Variants in VAV2 observed in about 807,000 individuals in gnomAD.
The protein encoded by VAV2 is vav guanine nucleotide exchange factor 2, also known as guanine nucleotide exchange factor VAV2.
Under a neutral mutation model 132.5 loss-of-function variants are expected in VAV2, and 67 were observed. That is an observed-to-expected ratio of 0.51 (90% CI 0.42 to 0.62). The LOEUF (loss-of-function observed/expected upper bound fraction) is 0.62, where lower values mean the gene tolerates loss of function less well. Ranked by LOEUF, VAV2 falls within the 20% of genes least tolerant of loss-of-function variation. The pLI, the probability that VAV2 is intolerant of heterozygous loss-of-function variation, is 0.00. For missense variants in VAV2, 938 were observed against 1,153.6 expected, an observed-to-expected ratio of 0.81 and a Z score of 2.71; for synonymous variants, 492 against 443.5, an observed-to-expected ratio of 1.11 and a Z score of -1.37.
chr9:133,977,104 GC>G (rs1251142464), intron 1 of VAV2, among the ~76,000 whole-genome samples: 2 of 152,182 alleles, frequency 1.3e-5, no homozygotes, highest in African/African-American at 4.8e-5. Flanking sequence ...GCCACGCCCA[GC>G]CGCCCTGCCC....
chr9:133,938,595 C>T (rs890930206), intron 2 of VAV2, among the ~76,000 whole-genome samples: 3 of 152,084 alleles, frequency 2.0e-5, no homozygotes, highest in South Asian at 2.1e-4. Flanking sequence ...CCCCTCTTTG[C>T]CCAATACCTT....
rs138146802 is a variant in VAV2, at chr9:133,874,059, C to T, written c.322-12627G>A. On this transcript the variant is annotated intron_variant, in intron 2 of 29. Transcript: ENST00000371850. ...TCTCCCCTTTCTGAGGAGGAGTCAC[C>T]GGGGCTGGGGCAGACAGCTGGTGCC... Among the ~76,000 whole-genome samples, 318 of 152,310 alleles carry T rather than the reference C, an allele frequency of 2.1e-3. 1 individual carries two copies. In the East Asian group the frequency reaches 0.025, roughly 12 times the overall value.
intron 2 of VAV2, among the ~76,000 whole-genome samples, chr9:133,906,108 G>C (rs1839642567): frequency 1.3e-5 from 2 of 152,306 alleles, no homozygotes; most frequent in Middle Eastern, 6.8e-3. Flanking sequence ...CAGACGGTAA[G>C]TCTGGAGGTA....
chr9:133,808,947 C>G, intron 7 of VAV2, 93 bp downstream of exon 7: 1 of 1,209,574 alleles, frequency 8.3e-7, no homozygotes, highest in Non-Finnish European at 1.2e-6. Context: ...GGCCCTATGG[C>G]CCTGCCTCCG....
rs1836370228 is a variant in VAV2 at position 133,834,179 on chromosome 9, G to A, written c.449+93C>T. ...CCAGGGCCAGCTCTGCCTGCACTGT[G>A]GCCGCCATGTTTCCTCCTGACTCCC... On this transcript the variant is annotated intron_variant, in intron 4 of 29. Transcript: ENST00000371850. The surrounding 1 kb of genome is among the most constrained non-coding windows in gnomAD (Gnocchi z 5.9). 7.0e-7 allele frequency: 1 copy of A among 1,424,002 alleles called. No individual in the cohort carries two copies. Among genetic ancestry groups the A allele is most frequent in the South Asian group, 1.3e-5 (1 of 76,876 alleles). The allele number at this position is 1,424,002 out of a possible 1,614,324, so 88.2% of individuals were successfully genotyped here.
At chr9:133,932,262 A>G (rs1346564714) in intron 2 of VAV2, among the ~76,000 whole-genome samples, 1 of 152,214 alleles carries the variant, frequency 6.6e-6, no homozygotes, top group Non-Finnish European at 1.5e-5. Flanking sequence ...GCACAGAGGA[A>G]AACAGGAAAG....
At chr9:133,917,755 A>C (rs1417560675) in intron 2 of VAV2, among the ~76,000 whole-genome samples, 1 of 152,190 alleles carries the variant, frequency 6.6e-6, no homozygotes, top group East Asian at 1.9e-4. Context: ...TCTGACACTG[A>C]CCTATGCTGG....
intron 4 of VAV2, among the ~76,000 whole-genome samples, chr9:133,815,658 T>C (rs1315653799): frequency 1.3e-5 from 2 of 152,246 alleles, no homozygotes; most frequent in Non-Finnish European, 2.9e-5. Flanking sequence ...TGCTGAGTAC[T>C]AATCCACGGC....
At chr9:133,903,163 G>T (rs114376193) in intron 2 of VAV2, among the ~76,000 whole-genome samples, 1 of 151,772 alleles carries the variant, frequency 6.6e-6, no homozygotes, top group East Asian at 1.9e-4. Flanking sequence ...AGAAGACGCC[G>T]TCTGCAAGCC....
At chr9:133,822,789 A>T (rs1835845687) in intron 4 of VAV2, among the ~76,000 whole-genome samples, 1 of 150,778 alleles carries the variant, frequency 6.6e-6, no homozygotes, top group African/African-American at 2.5e-5. Context: ...CCATCTAAAA[A>T]TATTCAGGAA....
Position 133,935,185 on chromosome 9 carries a change from G to A in VAV2, c.321+3918C>T, listed in dbSNP as rs192684477. On this transcript the variant is annotated intron_variant, in intron 2 of 29. Coordinates refer to ENST00000371850, the MANE Select transcript of VAV2 (RefSeq NM_001134398.2). The surrounding 1 kb of genome is among the most constrained non-coding windows in gnomAD (Gnocchi z 5.2). ...TCATGGTCTGAGGTTGCTGGAGGCC[G>A]CCGAGCTCATTTGGAATGGCCAGGG... 5.3e-4 allele frequency among the ~76,000 whole-genome samples: 81 copies of A among 152,304 alleles called. No homozygotes were observed. The highest frequency in any genetic ancestry group is 1.9e-3 in the African/African-American group (78 of 41,548).
At chr9:133,978,031 T>C (rs1842570855) in intron 1 of VAV2, among the ~76,000 whole-genome samples, 1 of 152,056 alleles carries the variant, frequency 6.6e-6, no homozygotes, top group South Asian at 2.1e-4. Flanking sequence ...GGAGATGTCC[T>C]ACGTGTATGA....
At chr9:133,985,468 G>A (rs1333864606) in intron 1 of VAV2, among the ~76,000 whole-genome samples, 2 of 152,140 alleles carry the variant, frequency 1.3e-5, no homozygotes, top group Non-Finnish European at 2.9e-5. Context: ...TTTTAGTAGA[G>A]ACGAGGTTTC....
At position 133,811,967 on chromosome 9, in the gene VAV2, G is replaced by T. The variant is rs533796343; in HGVS notation, c.552+147C>A. The stretch of plus-strand genomic sequence containing the variant: ...CGTGGGGACTGGGAAGGACCAAGGG[G>T]TGCACCTCTGGACGTCCCCCTGCAC... On this transcript the variant is annotated intron_variant, in intron 5 of 29. Transcript: ENST00000371850. 1.3e-5 allele frequency: 10 copies of T among 753,490 alleles called. No homozygotes were observed. In the African/African-American group the frequency reaches 1.5e-4, roughly 12 times the overall value. The allele number at this position is 753,490 out of a possible 1,614,324, so 46.7% of individuals were successfully genotyped here.
Position 133,992,156 on chromosome 9 carries a change from G to C in VAV2, c.123C>G (p.Val41=). The change falls in exon 1 of 30, where the codon GTC becomes GTG. Residue 41 remains valine, a synonymous_variant. Coordinates refer to ENST00000371850, the MANE Select transcript of VAV2 (RefSeq NM_001134398.2). This position sits in a 1 kb window ranked among gnomAD's most constrained non-coding sequence, Gnocchi z 5.5. The stretch of plus-strand genomic sequence containing the variant: ...GGTTGTGCAGCAGCTGGCACAGAAG[G>C]ACCCCGTCGCGCAGCGCCTGCGCCA... ...FDLAQALRDG[V]LLCQLLHNLS... 6.3e-7 allele frequency: 1 copy of C among 1,594,398 alleles called. No individual in the cohort carries two copies. The highest frequency in any genetic ancestry group is 8.5e-7 in the Non-Finnish European group (1 of 1,170,892).
In VAV2 at chr9:133,919,257, T is replaced by C. The variant is rs1840211725; in HGVS notation, c.321+19846A>G. ...GTAAAATCACAACTGCCTGCTGTCCTGGAAGCTTCTCTGGGGCTGGCACCT... is the reference window on the plus strand; with the variant it reads ...GTAAAATCACAACTGCCTGCTGTCCCGGAAGCTTCTCTGGGGCTGGCACCT... On this transcript the variant is annotated intron_variant, in intron 2 of 29. Coordinates refer to ENST00000371850, the MANE Select transcript of VAV2 (RefSeq NM_001134398.2). This position sits in a 1 kb window ranked among gnomAD's most constrained non-coding sequence, Gnocchi z 5.8. 6.6e-6 allele frequency among the ~76,000 whole-genome samples: 1 copy of C among 152,222 alleles called. No individual in the cohort carries two copies. Among genetic ancestry groups the C allele is most frequent in the South Asian group, 2.1e-4 (1 of 4,832 alleles).
chr9:133,774,678 C>T (rs917056010), intron 25 of VAV2, among the ~76,000 whole-genome samples: 3 of 152,186 alleles, frequency 2.0e-5, no homozygotes, highest in Admixed American at 6.5e-5. Flanking sequence ...CAGAAATGTC[C>T]AACCCAGCCC....
intron 1 of VAV2, among the ~76,000 whole-genome samples, chr9:133,948,552 T>TC (rs1396308064): frequency 1.3e-5 from 2 of 150,586 alleles, no homozygotes; most frequent in African/African-American, 4.9e-5. Context: ...GGAGTGGAGC[T>TC]CCCCCCACCA....
chr9:133,954,232 G>A (rs981307436), intron 1 of VAV2, among the ~76,000 whole-genome samples: 4 of 152,164 alleles, frequency 2.6e-5, no homozygotes, highest in Non-Finnish European at 5.9e-5. Context: ...TCTGAGAAGC[G>A]GCATGTGCCT....
Sources: gnomAD v4.1 joint callset for allele counts (sites outside exome capture counted in the v4.1 genomes callset) on GRCh38, gnomAD v4.1.1 for gene constraint, Gnocchi (gnomAD v3.1) non-coding constraint, MANE v1.5 for transcripts, NCBI Gene and HGNC (gene_info 2026-07-23, HGNC 2026-07-21) for gene names.